The following PCDH9 variants were observed in gnomAD, a reference collection of about 807,000 sequenced individuals.
The protein encoded by PCDH9 is protocadherin-9.
In PCDH9, 24 loss-of-function variants were observed where a neutral mutation model predicts 70.6. That is an observed-to-expected ratio of 0.34 (90% CI 0.25 to 0.48). The LOEUF (loss-of-function observed/expected upper bound fraction) is 0.48, where lower values mean the gene tolerates loss of function less well. Ranked by LOEUF, PCDH9 falls within the 20% of genes least tolerant of loss-of-function variation. The pLI is 0.99. For synonymous variants in PCDH9, 562 were observed against 558.5 expected (o/e 1.01, Z -0.09); for missense variants, 1,281 against 1,503.6 (o/e 0.85, Z 2.45).
intron 4 of PCDH9, among the ~76,000 whole-genome samples, chr13:66,549,916 C>CA (rs967593165): frequency 1.3e-5 from 2 of 151,566 alleles, no homozygotes; most frequent in African/African-American, 4.9e-5. Context: ...GACTCATGGC[C>CA]AAAATAATAC....
At chr13:66,430,184 G>A (rs1242023427) in intron 4 of PCDH9, among the ~76,000 whole-genome samples, 1 of 151,950 alleles carries the variant, frequency 6.6e-6, no homozygotes, top group Non-Finnish European at 1.5e-5. Context: ...CACAGCAAAA[G>A]CTACTATAAA....
At chr13:67,072,281 G>A (rs996830319) in intron 2 of PCDH9, among the ~76,000 whole-genome samples, 1 of 152,074 alleles carries the variant, frequency 6.6e-6, no homozygotes, top group Non-Finnish European at 1.5e-5. Flanking sequence ...CCTGAAAGTA[G>A]GTCATAAAAC....
At chr13:66,670,498 C>G (rs2078159235) in intron 3 of PCDH9, among the ~76,000 whole-genome samples, 1 of 152,096 alleles carries the variant, frequency 6.6e-6, no homozygotes, top group African/African-American at 2.4e-5. Context: ...TTTAAAGAGG[C>G]ATCTTTTGAA....
At chr13:66,569,764 C>A (rs956961492) in intron 4 of PCDH9, among the ~76,000 whole-genome samples, 2 of 152,006 alleles carry the variant, frequency 1.3e-5, no homozygotes, top group Admixed American at 6.6e-5. Context: ...GAAGACAACA[C>A]CAAATGCTGG....
At chr13:66,947,692 G>T (rs543753192) in intron 2 of PCDH9, among the ~76,000 whole-genome samples, 1 of 152,232 alleles carries the variant, frequency 6.6e-6, no homozygotes, top group South Asian at 2.1e-4. Flanking sequence ...GGAAAAGTAT[G>T]AGATAATTTT....
At chr13:66,995,315 G>T (rs1203006472) in intron 2 of PCDH9, among the ~76,000 whole-genome samples, 2 of 152,098 alleles carry the variant, frequency 1.3e-5, no homozygotes, top group Non-Finnish European at 1.5e-5. Flanking sequence ...AAAAGAGGTG[G>T]ACAGTGATAT....
intron 2 of PCDH9, among the ~76,000 whole-genome samples, chr13:67,023,169 C>G (rs1182888355): frequency 2.0e-5 from 3 of 148,066 alleles, no homozygotes; most frequent in Admixed American, 6.7e-5. Context: ...TTTTTTTTAG[C>G]CTTCATAGCT....
chr13:66,557,205 G>A (rs1961775658), intron 4 of PCDH9, among the ~76,000 whole-genome samples: 1 of 152,098 alleles, frequency 6.6e-6, no homozygotes, highest in Non-Finnish European at 1.5e-5. Flanking sequence ...TGTATTTTTT[G>A]TTTGTGCATA....
chr13:66,467,641 A>G (rs1840358662), intron 4 of PCDH9, among the ~76,000 whole-genome samples: 2 of 152,120 alleles, frequency 1.3e-5, no homozygotes, highest in African/African-American at 4.8e-5. Flanking sequence ...TAACTTCAGA[A>G]CTTTGTTTCA....
rs569594710 is a variant in PCDH9, at chr13:66,756,362, T to C, written c.3139-124951A>G. Among the ~76,000 whole-genome samples the C allele has an allele frequency of 1.6e-4, 24 of 152,310 alleles. No individual in the cohort carries two copies. In the East Asian group the frequency reaches 2.1e-3, roughly 13 times the overall value. On this transcript the variant is annotated intron_variant, in intron 3 of 4. Transcript: ENST00000377865. ...AGTTAATTTATTAAGTAAATTAGCA[T>C]AGAAGACTATCAAGTCTGAAAATGT...
chr13:66,468,495 C>T (rs994130281), intron 4 of PCDH9, among the ~76,000 whole-genome samples: 8 of 152,196 alleles, frequency 5.3e-5, no homozygotes, highest in African/African-American at 1.9e-4. Flanking sequence ...TATTAACCTA[C>T]TCTCATACTC....
intron 4 of PCDH9, among the ~76,000 whole-genome samples, chr13:66,390,980 A>G (rs1318792800): frequency 1.3e-5 from 2 of 152,188 alleles, no homozygotes; most frequent in African/African-American, 2.4e-5. Context: ...CAATGATAAA[A>G]TAAGTCCTGT....
intron 2 of PCDH9, among the ~76,000 whole-genome samples, chr13:66,991,699 C>A (rs2084006272): frequency 6.6e-6 from 1 of 151,972 alleles, no homozygotes; most frequent in African/African-American, 2.4e-5. Context: ...TGAAAACAAA[C>A]AAACAGAATC....
At chr13:66,691,739 C>A (rs1415039811) in intron 3 of PCDH9, among the ~76,000 whole-genome samples, 3 of 151,992 alleles carry the variant, frequency 2.0e-5, no homozygotes, top group African/African-American at 7.2e-5. Context: ...AAAACAAGAA[C>A]AAGATAAAGA....
chr13:66,715,854 T>G (rs2078860611), intron 3 of PCDH9, among the ~76,000 whole-genome samples: 1 of 152,240 alleles, frequency 6.6e-6, no homozygotes, highest in African/African-American at 2.4e-5. Context: ...AATTTCACAT[T>G]CATGTTTTGC....
intron 2 of PCDH9, among the ~76,000 whole-genome samples, chr13:67,143,455 A>G (rs757637200): frequency 5.9e-5 from 9 of 152,214 alleles, no homozygotes; most frequent in Non-Finnish European, 1.0e-4. Flanking sequence ...GCAGATGAGC[A>G]TAAGATCACA....
chr13:66,798,145 A>G (rs754444247), intron 3 of PCDH9, among the ~76,000 whole-genome samples: 4 of 152,046 alleles, frequency 2.6e-5, no homozygotes, highest in Non-Finnish European at 5.9e-5. Context: ...TTTTCCAAAT[A>G]TGGGCATTAA....
chr13:66,355,392 C>T (rs1956365413), intron 4 of PCDH9, among the ~76,000 whole-genome samples: 1 of 152,000 alleles, frequency 6.6e-6, no homozygotes, highest in Non-Finnish European at 1.5e-5. Flanking sequence ...CTTTTTGTTT[C>T]AGTATTTATA....
intron 4 of PCDH9, among the ~76,000 whole-genome samples, chr13:66,425,788 T>C (rs1023539999): frequency 7.3e-5 from 11 of 151,628 alleles, no homozygotes; most frequent in African/African-American, 2.7e-4. Flanking sequence ...CTAATACTTA[T>C]CATACATTGG....
Sources: gnomAD v4.1 joint callset for allele counts (sites outside exome capture counted in the v4.1 genomes callset) on GRCh38, gnomAD v4.1.1 for gene constraint, MANE v1.5 for transcripts, NCBI Gene and HGNC (gene_info 2026-07-23, HGNC 2026-07-21) for gene names.